Variants in ERCC6L2 observed in about 807,000 individuals in gnomAD.
ERCC6L2 encodes ERCC excision repair 6 like 2.
Under a neutral mutation model 132.0 loss-of-function variants are expected in ERCC6L2, and 77 were observed. The ratio of observed to expected loss-of-function variants is 0.58; its 90% CI spans 0.49 to 0.71. The LOEUF is 0.71. ERCC6L2 is among the 30% of genes least tolerant of loss of function. The pLI, the probability that ERCC6L2 is intolerant of heterozygous loss-of-function variation, is 0.00. For synonymous variants in ERCC6L2, 583 were observed against 632.4 expected (o/e 0.92, Z 1.17); for missense variants, 1,542 against 1,837.6 (o/e 0.84, Z 2.94).
chr9:95,942,031 C>T (rs566814689), intron 12 of ERCC6L2, among the ~76,000 whole-genome samples: 1 of 152,080 alleles, frequency 6.6e-6, no homozygotes, highest in Admixed American at 6.6e-5. Flanking sequence ...ATACAAATTC[C>T]CCTCTGACAC....
At chr9:95,967,416 C>T (rs189383832) in intron 14 of ERCC6L2, 3 of 152,188 alleles carry the variant, frequency 2.0e-5, no homozygotes, top group Admixed American at 6.5e-5. Flanking sequence ...CTCTTGACTT[C>T]CAGGACTTTG....
chr9:95,962,556 G>A (rs926150080), intron 13 of ERCC6L2, among the ~76,000 whole-genome samples: 1 of 152,132 alleles, frequency 6.6e-6, no homozygotes, highest in Non-Finnish European at 1.5e-5. Context: ...GTACTGATGT[G>A]GCAAGATGTC....
intron 12 of ERCC6L2, among the ~76,000 whole-genome samples, chr9:95,942,969 A>G (rs778743607): frequency 9.8e-5 from 15 of 152,342 alleles, no homozygotes; most frequent in Middle Eastern, 3.4e-3. Flanking sequence ...AATCAGACTC[A>G]ATTCAGCAGA....
Position 95,969,884 on chromosome 9 carries a change from G to T in ERCC6L2, c.2101-692G>T, listed in dbSNP as rs147113305. On this transcript the variant is annotated intron_variant, in intron 14 of 18. Coordinates refer to ENST00000653738, the MANE Select transcript of ERCC6L2 (RefSeq NM_020207.7). ...AGTGATGGTAGTATTATTTCTCCTT[G>T]CTCTGTCAACAAATATAGCCTTAAA... Among the ~76,000 whole-genome samples, 412 of 152,132 alleles carry T rather than the reference G, an allele frequency of 2.7e-3. 1 individual carries two copies. The highest frequency in any genetic ancestry group is 9.5e-3 in the African/African-American group (395 of 41,508).
At chr9:95,937,024 T>C (rs1214535817) in intron 11 of ERCC6L2, among the ~76,000 whole-genome samples, 2 of 152,214 alleles carry the variant, frequency 1.3e-5, no homozygotes, top group East Asian at 1.9e-4. Flanking sequence ...TACATTCATC[T>C]GTTGAAGGGC....
chr9:96,032,521 C>T (rs1834473145), intron 19 of ERCC6L2, among the ~76,000 whole-genome samples: 1 of 152,238 alleles, frequency 6.6e-6, no homozygotes, highest in African/African-American at 2.4e-5. Flanking sequence ...CACACACCTC[C>T]CTGGCGCACC....
chr9:95,972,546 A>G lies in ERCC6L2; in HGVS notation c.2795A>G (p.Glu932Gly), dbSNP rs755927821. 7.8e-7 allele frequency: 1 copy of G among 1,289,808 alleles called. No individual in the cohort carries two copies. Among genetic ancestry groups the G allele is most frequent in the African/African-American group, 1.5e-5 (1 of 65,846 alleles). 79.9% of individuals were successfully genotyped at this position (1,289,808 alleles called of 1,614,324 possible). A position where few individuals can be genotyped will look rare whatever the true frequency, so the allele number is the denominator to read the frequency against. ...KPPLEGSEDSETEHTVKTRNN... is the reference protein window; with the variant it reads ...KPPLEGSEDSGTEHTVKTRNN... ...CCCTTGGAAGGATCTGAGGATTCTGAAACAGAACACACTGTAAAAACAAGA... is the reference window on the plus strand; with the variant it reads ...CCCTTGGAAGGATCTGAGGATTCTGGAACAGAACACACTGTAAAAACAAGA... Residue 932 changes from glutamate (E) to glycine (G), a missense_variant, in exon 16 of 19, where the codon GAA becomes GGA. Physicochemically the swap from Glu to Gly is moderately conservative, Grantham distance 98. Around this residue, in one of 4 missense-constraint regions of ERCC6L2, gnomAD observed 945 missense variants for 1,105.2 expected, o/e 0.86. Transcript: ENST00000653738.
intron 13 of ERCC6L2, among the ~76,000 whole-genome samples, chr9:95,964,554 G>A (rs1405373204): frequency 6.6e-6 from 1 of 152,136 alleles, no homozygotes; most frequent in African/African-American, 2.4e-5. Flanking sequence ...AGGAAGCAAA[G>A]GGTCAGAGAG....
intron 19 of ERCC6L2, among the ~76,000 whole-genome samples, chr9:96,024,688 T>A (rs1476171005): frequency 6.6e-6 from 1 of 152,182 alleles, no homozygotes; most frequent in Non-Finnish European, 1.5e-5. Flanking sequence ...TGATCAGGAA[T>A]CTTCACCATA....
At position 96,012,251 on chromosome 9, in the gene ERCC6L2, ATTTTAACTCGTCT is replaced by A. The variant is rs1166266820; in HGVS notation, c.3703_3715del (p.Phe1235LeufsTer2). 1 of 1,279,202 alleles carries A rather than the reference ATTTTAACTCGTCT, an allele frequency of 7.8e-7. No individual in the cohort carries two copies. Among genetic ancestry groups the A allele is most frequent in the African/African-American group, 1.5e-5 (1 of 64,702 alleles). 79.2% of individuals were successfully genotyped at this position (1,279,202 alleles called of 1,614,324 possible). On this transcript the variant is annotated frameshift_variant, in exon 19 of 19. Coordinates refer to ENST00000653738, the MANE Select transcript of ERCC6L2 (RefSeq NM_020207.7). LOFTEE classifies it low-confidence loss of function (END_TRUNC). ...AAACAATTTGAAGAAATGGCCTCTT[ATTTTAACTCGTCT>A]TCTGTAAACGAATTTGCTAAACATA...
Position 96,001,775 on chromosome 9 carries a change from G to A in ERCC6L2, c.3493-2745G>A, listed in dbSNP as rs575080957. On this transcript the variant is annotated intron_variant, in intron 17 of 18. Transcript: ENST00000653738. ...TGGGCGCCGTGGAGCAGGGGGTGGC[G>A]CTCGTCGGGGAGGCTTGGGCCGCAC... Among the ~76,000 whole-genome samples the A allele has an allele frequency of 2.5e-4, 38 of 152,362 alleles. No homozygotes were observed. In the East Asian group the frequency reaches 5.8e-3, roughly 23 times the overall value.
At chr9:96,002,515 G>A (rs1479889128) in intron 17 of ERCC6L2, among the ~76,000 whole-genome samples, 54 of 149,264 alleles carry the variant, frequency 3.6e-4, no homozygotes, top group Non-Finnish European at 6.1e-4. Context: ...TCTGCCTCCC[G>A]GGCTCAAGCC....
At chr9:96,038,548 G>A (rs913674226) in intron 19 of ERCC6L2, among the ~76,000 whole-genome samples, 15 of 152,310 alleles carry the variant, frequency 9.8e-5, no homozygotes, top group African/African-American at 3.1e-4. Context: ...ATGAACACAT[G>A]GCCATCTGGG....
At chr9:96,030,717 A>AG in intron 19 of ERCC6L2, among the ~76,000 whole-genome samples, 1 of 151,584 alleles carries the variant, frequency 6.6e-6, no homozygotes, top group East Asian at 1.9e-4. Flanking sequence ...AAAAAAAAAA[A>AG]AAAGCTGTAA....
intron 4 of ERCC6L2, 100 bp from the exon 5 acceptor site, chr9:95,915,568 A>G: frequency 7.8e-7 from 1 of 1,287,072 alleles, no homozygotes; most frequent in Non-Finnish European, 1.1e-6. Flanking sequence ...AAAGGAAAAA[A>G]TAATTCCAAA....
At chr9:95,946,727 G>A (rs938861701) in intron 12 of ERCC6L2, among the ~76,000 whole-genome samples, 2 of 152,166 alleles carry the variant, frequency 1.3e-5, no homozygotes, top group African/African-American at 4.8e-5. Flanking sequence ...AGTCAAGCAA[G>A]TCTTCCAGCA....
At position 96,017,058 on chromosome 9, in the gene ERCC6L2, C is replaced by T. The variant is rs920911600; in HGVS notation, c.*3855C>T. On this transcript the variant is annotated 3_prime_UTR_variant, in exon 19 of 19. Coordinates refer to ENST00000653738, the MANE Select transcript of ERCC6L2 (RefSeq NM_020207.7). Reference sequence around the variant, plus strand: ...CACACCTTCAAAGAGCAAGAGTGCCCATCACTTTCTAGGCTCCTTGCCTGC... The same window carrying T: ...CACACCTTCAAAGAGCAAGAGTGCCTATCACTTTCTAGGCTCCTTGCCTGC... Among the ~76,000 whole-genome samples the T allele has an allele frequency of 2.0e-5, 3 of 152,172 alleles. No homozygotes were observed. Among genetic ancestry groups the T allele is most frequent in the African/African-American group, 7.2e-5 (3 of 41,422 alleles).
rs78714931 is a variant in ERCC6L2 at position 96,016,494 on chromosome 9, C to T, written c.*3291C>T. Among the ~76,000 whole-genome samples the T allele has an allele frequency of 3.2e-3, 495 of 152,310 alleles. 16 individuals are homozygous for T. The East Asian group carries it at 0.086, about 26-fold the overall frequency. ...GGCAAGATACCAAGAGATTTTTGCA[C>T]TTGAATTCCTCAGGGTTCTCTTACA... is the stretch of plus-strand genomic sequence containing the variant. On this transcript the variant is annotated 3_prime_UTR_variant, in exon 19 of 19. Transcript: ENST00000653738.
chr9:95,940,095 C>G (rs1001354872), intron 11 of ERCC6L2, among the ~76,000 whole-genome samples: 3 of 152,156 alleles, frequency 2.0e-5, no homozygotes, highest in African/African-American at 7.2e-5. Flanking sequence ...AACGAAAGCT[C>G]TAGCTCTTCA....
Sources: allele counts gnomAD v4.1 joint callset (sites outside exome capture counted in the v4.1 genomes callset), GRCh38; gene constraint gnomAD v4.1.1; regional missense constraint gnomAD v4.1.1; transcripts MANE v1.5; gene names NCBI Gene and HGNC (gene_info 2026-07-23, HGNC 2026-07-21).